Variants in LPCAT4 observed in about 807,000 individuals in gnomAD.
The protein encoded by LPCAT4 is lysophosphatidylcholine acyltransferase 4, also known as lysophospholipid acyltransferase LPCAT4.
A neutral mutation model predicts 66.5 loss-of-function variants in LPCAT4; 30 were observed. The ratio of observed to expected loss-of-function variants is 0.45; its 90% CI spans 0.34 to 0.61. LPCAT4 has a LOEUF of 0.61. LPCAT4 is among the 20% of genes least tolerant of loss of function. The pLI, the probability that LPCAT4 is intolerant of heterozygous loss-of-function variation, is 0.01. For synonymous variants in LPCAT4, 253 were observed against 262.1 expected, an observed-to-expected ratio of 0.97 and a Z score of 0.34; for missense variants, 557 against 656.7, an observed-to-expected ratio of 0.85 and a Z score of 1.66.
intron 3 of LPCAT4, chr15:34,364,606 T>TTTTTA (rs1555395815): frequency 3.2e-4 from 79 of 249,700 alleles, no homozygotes; most frequent in Non-Finnish European, 5.0e-4. Context: ...TTTTTTTTTT[T>TTTTTA]ACGCCCGGCT....
chr15:34,360,306 G>T, intron 11 of LPCAT4, 97 bp from the exon 12 acceptor site: 1 of 892,782 alleles, frequency 1.1e-6, no homozygotes, highest in Non-Finnish European at 1.8e-6. Context: ...AAATAATGGG[G>T]GTGATCCCTG....
Position 34,365,588 on chromosome 15 carries a change from C to G in LPCAT4, c.228G>C (p.Gln76His). The change falls in exon 2 of 14, where the codon CAG (glutamine) becomes CAC (histidine). Residue 76 changes from glutamine to histidine, a missense_variant. Gln to His is a conservative substitution (Grantham distance 24). This residue lies in a region of LPCAT4 where 65 missense variants were observed against 83.5 expected (regional missense o/e 0.78). Transcript: ENST00000314891. Reference sequence around the variant, plus strand: ...TCCATCCTGTAATTGGCTCCTGAAGCTGCTCCTCACTAAGACCGGCCACTT... The same window carrying G: ...TCCATCCTGTAATTGGCTCCTGAAGGTGCTCCTCACTAAGACCGGCCACTT... Reference protein sequence around the residue: ...WLQVAGLSEEQLQEPITGWRK... With the variant: ...WLQVAGLSEEHLQEPITGWRK... 6.2e-7 allele frequency: 1 copy of G among 1,614,242 alleles called. No individual in the cohort carries two copies. Among genetic ancestry groups the G allele is most frequent in the Non-Finnish European group, 8.5e-7 (1 of 1,180,044 alleles).
Position 34,365,685 on chromosome 15 carries a change from G to A in LPCAT4, c.131C>T (p.Ala44Val), listed in dbSNP as rs1319423290. The A allele has an allele frequency of 2.5e-6, 4 of 1,613,786 alleles. No homozygotes were observed. In the African/African-American group the frequency reaches 5.3e-5, roughly 22 times the overall value. ...LQRVKFCLLG[A>V]LLAPIRVLLA... ...AAGCACTCGGATGGGGGCCAGCAATGCCCCCAGGAGGCAGAACTGCAAAGG... is the reference window on the plus strand; with the variant it reads ...AAGCACTCGGATGGGGGCCAGCAATACCCCCAGGAGGCAGAACTGCAAAGG... Residue 44 changes from alanine (A) to valine (V), a missense_variant, in exon 2 of 14, where the codon GCA becomes GTA. By Grantham distance (64) the Ala-to-Val change is moderately conservative (BLOSUM62 0). Coordinates refer to ENST00000314891, the MANE Select transcript of LPCAT4 (RefSeq NM_153613.3).
intron 8 of LPCAT4, 39 bp downstream of exon 8, chr15:34,362,743 T>C: frequency 6.2e-7 from 1 of 1,612,140 alleles, no homozygotes; most frequent in Non-Finnish European, 8.5e-7. Flanking sequence ...TTCAGGAGTC[T>C]GAGATGTACT....
At chr15:34,366,776 G>T (rs1891087924) in intron 1 of LPCAT4, 2 of 589,432 alleles carry the variant, frequency 3.4e-6, no homozygotes. Context: ...CCACATCTTC[G>T]AGCTTGTCTA....
chr15:34,365,024 G>A lies in LPCAT4; in HGVS notation c.462C>T (p.Ser154=), dbSNP rs1171107749. 3.1e-6 allele frequency: 5 copies of A among 1,610,710 alleles called. No homozygotes were observed. Among genetic ancestry groups the A allele is most frequent in the African/African-American group, 1.3e-5 (1 of 74,852 alleles). Residue 154 remains serine (S), a synonymous_variant, in exon 3 of 14, where the codon TCC becomes TCT. Transcript: ENST00000314891. ...CTCTCTCACCTCCAATGACAGGAAC[G>A]GAAAGGTTCTCAGCTCGGGACACAA... ...PKVVSRAENL[S]VPVIGALLRF... is the part of the protein sequence containing the mutation.
Position 34,367,053 on chromosome 15 carries a change from G to C in LPCAT4, c.48C>G (p.Pro16=). ...AGGGGTTGGGGGATGCTGGGGGTCCGGGGGTGGGATCTAGGGGGGCCCAGT... is the reference window on the plus strand; with the variant it reads ...AGGGGTTGGGGGATGCTGGGGGTCCCGGGGTGGGATCTAGGGGGGCCCAGT... ...PGDWAPLDPT[P]GPPASPNPFV... Residue 16 remains proline (P), a synonymous_variant, in exon 1 of 14, where the codon CCC becomes CCG. Transcript: ENST00000314891. The C allele has an allele frequency of 6.4e-7, 1 of 1,558,984 alleles. No homozygotes were observed.
At chr15:34,362,135 TTA>T in intron 10 of LPCAT4, 59 bp downstream of exon 10, 1 of 1,530,722 alleles carries the variant, frequency 6.5e-7, no homozygotes. Context: ...TCTCCCCTTC[TTA>T]TTCTCTCTCT....
chr15:34,367,044 T>C lies in LPCAT4; in HGVS notation c.57A>G (p.Pro19=), dbSNP rs1452927303. The change falls in exon 1 of 14, where the codon CCA becomes CCG. Residue 19 remains proline (P), a synonymous_variant. Coordinates refer to ENST00000314891, the MANE Select transcript of LPCAT4 (RefSeq NM_153613.3). ...CATGCACGAAGGGGTTGGGGGATGC[T>C]GGGGGTCCGGGGGTGGGATCTAGGG... ...WAPLDPTPGP[P]ASPNPFVHEL... is the part of the protein sequence containing the mutation. 7 of 408,178 alleles carry C rather than the reference T, an allele frequency of 1.7e-5. No individual in the cohort carries two copies. Among genetic ancestry groups the C allele is most frequent in the Non-Finnish European group, 3.3e-5 (7 of 213,042 alleles). 25.3% of individuals were successfully genotyped at this position (408,178 alleles called of 1,614,324 possible).
Position 34,363,596 on chromosome 15 carries a change from C to T in LPCAT4, c.711+65G>A. On this transcript the variant is annotated intron_variant, in intron 6 of 13. Transcript: ENST00000314891. The surrounding 1 kb of genome is among the most constrained non-coding windows in gnomAD (Gnocchi z 4.3). ...ATCCCATTAAAGCACCAACAGTTTT[C>T]ACTTATTTCCATTTGGGGTGGATTT... is the stretch of plus-strand genomic sequence containing the variant. 3 of 1,606,082 alleles carry T rather than the reference C, an allele frequency of 1.9e-6. No individual in the cohort carries two copies. The highest frequency in any genetic ancestry group is 1.7e-6 in the Non-Finnish European group (2 of 1,172,698).
At chr15:34,359,346 G>A (rs774687413) in intron 13 of LPCAT4, 44 bp from the exon 14 acceptor site, 19 of 1,453,906 alleles carry the variant, frequency 1.3e-5, no homozygotes, top group South Asian at 5.8e-5. Context: ...ATCTAAGAAC[G>A]AGAAGAGAAT....
chr15:34,364,971 T>C (rs766464512), intron 3 of LPCAT4, 37 bp downstream of exon 3: 9 of 1,562,372 alleles, frequency 5.8e-6, no homozygotes, highest in Non-Finnish European at 7.9e-6. Flanking sequence ...TGCCCAGAGT[T>C]GTCACCCTGC....
chr15:34,361,864 A>G (rs1181049937), intron 10 of LPCAT4, among the ~76,000 whole-genome samples: 1 of 151,960 alleles, frequency 6.6e-6, no homozygotes, highest in Non-Finnish European at 1.5e-5. Flanking sequence ...CAAACCCGGC[A>G]AATTTTGTAT....
intron 1 of LPCAT4, 131 bp downstream of exon 1, chr15:34,366,856 C>T: frequency 2.8e-6 from 4 of 1,417,944 alleles, no homozygotes; most frequent in Non-Finnish European, 3.8e-6. Context: ...TGCGCACCCC[C>T]GGACTCCCGC....
Position 34,365,007 on chromosome 15 carries a change from C to A in LPCAT4, c.478+1G>T. 6.2e-7 allele frequency: 1 copy of A among 1,606,828 alleles called. No individual in the cohort carries two copies. The highest frequency in any genetic ancestry group is 8.5e-7 in the Non-Finnish European group (1 of 1,174,170). ...CCTTCACCCCCTTTGAACTCTCTCA[C>A]CTCCAATGACAGGAACGGAAAGGTT... On this transcript the variant is annotated splice_donor_variant, in intron 3 of 13. Coordinates refer to ENST00000314891, the MANE Select transcript of LPCAT4 (RefSeq NM_153613.3). LOFTEE classifies it high-confidence loss of function.
chr15:34,364,743 C>T (rs8039406), intron 3 of LPCAT4: 6 of 422,916 alleles, frequency 1.4e-5, no homozygotes, highest in Non-Finnish European at 2.1e-5. Context: ...CGCGAGCCAC[C>T]GTGCCTGGCC....
At chr15:34,362,761 C>T (rs1191927718) in intron 8 of LPCAT4, 21 bp downstream of exon 8, 1 of 1,613,994 alleles carries the variant, frequency 6.2e-7, no homozygotes. Flanking sequence ...ACTTCTCCCA[C>T]CGCCCCCACG....
At position 34,362,856 on chromosome 15, in the gene LPCAT4, G is replaced by C; in HGVS notation, c.747-20C>G. On this transcript the variant is annotated intron_variant, in intron 7 of 13. Coordinates refer to ENST00000314891, the MANE Select transcript of LPCAT4 (RefSeq NM_153613.3). The stretch of plus-strand genomic sequence containing the variant: ...TTGAGTCTAAGAGAAGAGAGATTTC[G>C]ATACTCACCAATCTCTAACTATGGG... 1.2e-6 allele frequency: 2 copies of C among 1,612,654 alleles called. No individual in the cohort carries two copies. The highest frequency in any genetic ancestry group is 1.1e-5 in the South Asian group (1 of 90,978).
chr15:34,366,160 C>T (rs1488248727), intron 1 of LPCAT4, among the ~76,000 whole-genome samples: 1 of 152,166 alleles, frequency 6.6e-6, no homozygotes, highest in East Asian at 1.9e-4. Flanking sequence ...TGTAAACAGC[C>T]AGAGGTCCAG....
Sources: allele counts gnomAD v4.1 joint callset (sites outside exome capture counted in the v4.1 genomes callset), GRCh38; gene constraint gnomAD v4.1.1; regional missense constraint gnomAD v4.1.1; non-coding constraint Gnocchi (gnomAD v3.1); transcripts MANE v1.5; gene names NCBI Gene and HGNC (gene_info 2026-07-23, HGNC 2026-07-21).